TEX2: variants seen among roughly 807,000 people sequenced by gnomAD.
TEX2 encodes testis expressed 2.
In TEX2, 53 loss-of-function variants were observed where a neutral mutation model predicts 106.9. That is an observed-to-expected ratio of 0.50 (90% CI 0.40 to 0.62). TEX2 has a LOEUF of 0.62. TEX2 is among the 20% of genes least tolerant of loss of function. TEX2 has a pLI of 0.00. For missense variants in TEX2, 1,207 were observed against 1,379.0 expected (o/e 0.88, Z 1.98); for synonymous variants, 523 against 534.8 (o/e 0.98, Z 0.30).
intron 5 of TEX2, among the ~76,000 whole-genome samples, chr17:64,178,555 T>C (rs1351955965): frequency 6.6e-6 from 1 of 151,734 alleles, no homozygotes; most frequent in Non-Finnish European, 1.5e-5. Flanking sequence ...GTCCTGTGTG[T>C]GGCGGTGGGG....
chr17:64,155,413 G>A (rs1215723932), intron 8 of TEX2: 1 of 154,312 alleles, frequency 6.5e-6, no homozygotes, highest in East Asian at 1.9e-4. Flanking sequence ...GGGATGTTGA[G>A]GCAAGTCCCT....
At chr17:64,177,233 CA>C in intron 6 of TEX2, 91 bp downstream of exon 6, 1 of 1,513,584 alleles carries the variant, frequency 6.6e-7, no homozygotes, top group Non-Finnish European at 9.0e-7. Flanking sequence ...ACGTTTAAAC[CA>C]AATTATTTTT....
Position 64,214,063 on chromosome 17 carries a change from A to C in TEX2, c.155T>G (p.Phe52Cys), listed in dbSNP as rs577332867. 6.2e-7 allele frequency: 1 copy of C among 1,614,110 alleles called. No homozygotes were observed. The highest frequency in any genetic ancestry group is 1.7e-5 in the Admixed American group (1 of 60,012). Residue 52 changes from phenylalanine to cysteine, a missense_variant, in exon 2 of 12, where the codon TTC (phenylalanine) becomes TGC (cysteine). Transcript: ENST00000584379. ...CAGCCCCTCCTCAAAGTACTCCCTGAACTCCTCCTCCTCTTCCTCCTCCTC... is the reference window on the plus strand; with the variant it reads ...CAGCCCCTCCTCAAAGTACTCCCTGCACTCCTCCTCCTCTTCCTCCTCCTC... ...GEEEEEEEEE[F>C]REYFEEGLDD...
chr17:64,255,287 C>G (rs2034164549), intron 1 of TEX2, among the ~76,000 whole-genome samples: 4 of 152,154 alleles, frequency 2.6e-5, no homozygotes, highest in African/African-American at 7.2e-5. Context: ...ATACACAAGT[C>G]TGTAAGAGGT....
At chr17:64,211,612 G>C (rs2033002796) in intron 2 of TEX2, among the ~76,000 whole-genome samples, 1 of 152,138 alleles carries the variant, frequency 6.6e-6, no homozygotes, top group Non-Finnish European at 1.5e-5. Context: ...TGATTTAAAA[G>C]TATACAGGAG....
Position 64,154,570 on chromosome 17 carries a change from T to A in TEX2, c.2930+272A>T, listed in dbSNP as rs143644620. Among the ~76,000 whole-genome samples, 271 of 152,256 alleles carry A rather than the reference T, an allele frequency of 1.8e-3. 1 individual carries two copies. The highest frequency in any genetic ancestry group is 6.3e-3 in the African/African-American group (261 of 41,524). The stretch of plus-strand genomic sequence containing the variant: ...GGTTCCTTCTGAAGGCTCAGGGAGA[T>A]GCTTTTCATCATCAGCACACCCTTC... On this transcript the variant is annotated intron_variant, in intron 9 of 11. Coordinates refer to ENST00000584379, the MANE Select transcript of TEX2 (RefSeq NM_001288732.2).
intron 6 of TEX2, among the ~76,000 whole-genome samples, chr17:64,173,305 A>G (rs183676326): frequency 3.4e-4 from 51 of 152,190 alleles, no homozygotes; most frequent in Middle Eastern, 3.4e-3. Context: ...AGTTATTTTC[A>G]TAAGTATTTT....
intron 2 of TEX2, among the ~76,000 whole-genome samples, chr17:64,199,121 CTTTCA>C (rs1405019388): frequency 1.4e-4 from 21 of 152,292 alleles, no homozygotes; most frequent in Admixed American, 1.1e-3. Flanking sequence ...TCTCCAATTG[CTTTCA>C]TTTCGTCTTT....
At chr17:64,235,830 T>G (rs1360880646) in intron 1 of TEX2, among the ~76,000 whole-genome samples, 2 of 152,218 alleles carry the variant, frequency 1.3e-5, no homozygotes, top group East Asian at 3.8e-4. Flanking sequence ...CATCCCTTTT[T>G]GAGTGCTATG....
At chr17:64,183,238 AC>A (rs2031949734) in intron 5 of TEX2, among the ~76,000 whole-genome samples, 1 of 152,188 alleles carries the variant, frequency 6.6e-6, no homozygotes, top group Non-Finnish European at 1.5e-5. Context: ...GAATAATGCT[AC>A]TATAAATATT....
chr17:64,219,748 C>G (rs561476785), intron 1 of TEX2, among the ~76,000 whole-genome samples: 31 of 152,162 alleles, frequency 2.0e-4, no homozygotes, highest in African/African-American at 7.2e-4. Context: ...GAGGAACAGT[C>G]CAAATTGACT....
At chr17:64,188,563 T>C in intron 4 of TEX2, 148 bp from the exon 5 acceptor site, 1 of 1,301,854 alleles carries the variant, frequency 7.7e-7, no homozygotes, top group Non-Finnish European at 1.0e-6. Flanking sequence ...ACGCCTGTAA[T>C]CCCAGCACTT....
At position 64,213,342 on chromosome 17, in the gene TEX2, T is replaced by C. The variant is rs1262384426; in HGVS notation, c.876A>G (p.Arg292=). Residue 292 remains arginine (R), a synonymous_variant, in exon 2 of 12, where the codon CGA becomes CGG. Coordinates refer to ENST00000584379, the MANE Select transcript of TEX2 (RefSeq NM_001288732.2). This position sits in a 1 kb window ranked among gnomAD's most constrained non-coding sequence, Gnocchi z 4.4. Reference sequence around the variant, plus strand: ...GCTCATAGATGACTTCTGAAAGGCGTCGTTTAGTATCTTCAATTTTAGCCT... The same window carrying C: ...GCTCATAGATGACTTCTGAAAGGCGCCGTTTAGTATCTTCAATTTTAGCCT... ...EMEAKIEDTK[R]RLSEVIYEPF... is the part of the protein sequence containing the mutation. The C allele has an allele frequency of 8.1e-6, 13 of 1,613,850 alleles. No homozygotes were observed. Among genetic ancestry groups the C allele is most frequent in the Non-Finnish European group, 1.1e-5 (13 of 1,180,044 alleles).
chr17:64,161,028 T>A, intron 7 of TEX2, 95 bp from the exon 8 acceptor site: 1 of 1,359,898 alleles, frequency 7.4e-7, no homozygotes, highest in Non-Finnish European at 1.0e-6. Context: ...ATAGGCACCA[T>A]ACTGAAAGTC....
intron 1 of TEX2, among the ~76,000 whole-genome samples, chr17:64,258,854 G>A (rs2034236308): frequency 6.6e-6 from 1 of 151,894 alleles, no homozygotes; most frequent in Non-Finnish European, 1.5e-5. Flanking sequence ...CTACCTCCCA[G>A]GTTCAAGCGA....
At chr17:64,165,345 G>C (rs2031078412) in intron 7 of TEX2, among the ~76,000 whole-genome samples, 1 of 152,142 alleles carries the variant, frequency 6.6e-6, no homozygotes, top group Non-Finnish European at 1.5e-5. Flanking sequence ...CTCTGAAATA[G>C]AGCTCCACCC....
intron 10 of TEX2, among the ~76,000 whole-genome samples, chr17:64,151,577 A>G (rs2030358831): frequency 6.6e-6 from 1 of 152,360 alleles, no homozygotes; most frequent in East Asian, 1.9e-4. Flanking sequence ...GCTATCAACT[A>G]TCTAAAACCT....
At chr17:64,181,447 C>T (rs1042841287) in intron 5 of TEX2, among the ~76,000 whole-genome samples, 3 of 141,298 alleles carry the variant, frequency 2.1e-5, no homozygotes, top group African/African-American at 8.0e-5. Flanking sequence ...CTGTACTCCA[C>T]CCTGGCCACA....
intron 10 of TEX2, among the ~76,000 whole-genome samples, chr17:64,152,348 C>T (rs969236477): frequency 4.6e-5 from 7 of 152,174 alleles, no homozygotes; most frequent in African/African-American, 1.7e-4. Flanking sequence ...ATGGGCCAGG[C>T]ATAGCTATAT....
Sources: gnomAD v4.1 joint callset for allele counts (sites outside exome capture counted in the v4.1 genomes callset) on GRCh38, gnomAD v4.1.1 for gene constraint, Gnocchi (gnomAD v3.1) non-coding constraint, MANE v1.5 for transcripts, NCBI Gene and HGNC (gene_info 2026-07-23, HGNC 2026-07-21) for gene names.